Variants in ABCA6 observed in about 807,000 individuals in gnomAD.
ABCA6 encodes the protein ATP-binding cassette sub-family A member 6.
In ABCA6, 164 loss-of-function variants were observed where a neutral mutation model predicts 191.2. The observed-to-expected ratio is 0.86, with a 90% confidence interval of 0.76 to 0.98. The LOEUF (loss-of-function observed/expected upper bound fraction) is 0.98, where lower values mean the gene tolerates loss of function less well. Among genes scored for constraint, ABCA6 ranks in the 50% least tolerant of loss-of-function variants. The pLI, the probability that ABCA6 is intolerant of heterozygous loss-of-function variation, is 0.00. For missense variants in ABCA6, 1,958 were observed against 1,894.1 expected (o/e 1.03, Z -0.63); for synonymous variants, 636 against 647.7 (o/e 0.98, Z 0.27).
chr17:69,079,106 G>A (rs760341442), intron 38 of ABCA6, 32 bp from the exon 39 acceptor site: 3 of 1,578,298 alleles, frequency 1.9e-6, no homozygotes, highest in South Asian at 2.3e-5. Context: ...AGGAAAGAAG[G>A]AAGAGAGATT....
At chr17:69,126,006 T>C (rs545771834) in intron 8 of ABCA6, among the ~76,000 whole-genome samples, 32 of 152,258 alleles carry the variant, frequency 2.1e-4, no homozygotes, top group African/African-American at 7.7e-4. Flanking sequence ...AGCTTTTATT[T>C]TGCCTGCATT....
rs1396073662 is a variant in ABCA6 at position 69,102,980 on chromosome 17, TTAA to T, written c.2741-15_2741-13del. The T allele has an allele frequency of 4.1e-6, 6 of 1,467,660 alleles. No homozygotes were observed. The Admixed American group carries it at 1.2e-4, about 29-fold the overall frequency. 90.9% of individuals were successfully genotyped at this position (1,467,660 alleles called of 1,614,324 possible). ...TTCAATATTTGATTCTAATATGAAGTTAATAAGAGAAGGCCATAGAAAAGTAAG... is the reference window on the plus strand; with the variant it reads ...TTCAATATTTGATTCTAATATGAAGTTAAGAGAAGGCCATAGAAAAGTAAG... On this transcript the variant is annotated splice_polypyrimidine_tract_variant and intron_variant, in intron 20 of 38. Transcript: ENST00000284425.
rs778707189 is a variant in ABCA6 at position 69,123,295 on chromosome 17, G to C, written c.1380C>G (p.Pro460=). 1 of 1,561,764 alleles carries C rather than the reference G, an allele frequency of 6.4e-7. No homozygotes were observed. Among genetic ancestry groups the C allele is most frequent in the Non-Finnish European group, 8.7e-7 (1 of 1,148,050 alleles). Residue 460 remains proline, a synonymous_variant, in exon 10 of 39, where the codon CCC becomes CCG. Transcript: ENST00000284425. ...CTACTGGTTCAAAATAATCATCAGA[G>C]GGATGCTCAGCATCGATTTCTTTCT... is the stretch of plus-strand genomic sequence containing the variant. ...VIEKEIDAEH[P]SDDYFEPVAP... is the part of the protein sequence containing the mutation.
chr17:69,111,506 T>C (rs1598471905), intron 16 of ABCA6: 1 of 152,390 alleles, frequency 6.6e-6, no homozygotes, highest in Non-Finnish European at 1.5e-5. Flanking sequence ...GTTCTCATGA[T>C]AGTGAGTTCT....
chr17:69,123,301 C>T lies in ABCA6; in HGVS notation c.1374G>A (p.Glu458=), dbSNP rs879512356. The T allele has an allele frequency of 3.8e-6, 6 of 1,570,944 alleles. No individual in the cohort carries two copies. The highest frequency in any genetic ancestry group is 5.2e-6 in the Non-Finnish European group (6 of 1,153,286). Residue 458 remains glutamate (E), a synonymous_variant, in exon 10 of 39, where the codon GAG becomes GAA. Transcript: ENST00000284425. ...GTTCAAAATAATCATCAGAGGGATG[C>T]TCAGCATCGATTTCTTTCTCAATAA... ...AKVIEKEIDA[E]HPSDDYFEPV...
intron 5 of ABCA6, 29 bp from the exon 6 acceptor site, chr17:69,133,896 A>ATTTT: frequency 7.1e-7 from 1 of 1,417,678 alleles, no homozygotes; most frequent in Admixed American, 2.2e-5. Flanking sequence ...AAACATAATT[A>ATTTT]TTATTTAAAA....
intron 10 of ABCA6, among the ~76,000 whole-genome samples, chr17:69,122,640 T>C (rs1313977953): frequency 6.6e-6 from 1 of 151,866 alleles, no homozygotes; most frequent in African/African-American, 2.4e-5. Flanking sequence ...CAACTTATCA[T>C]ATAAAACCAG....
chr17:69,105,721 C>T (rs998885881), intron 19 of ABCA6, 93 bp from the exon 20 acceptor site: 21 of 985,350 alleles, frequency 2.1e-5, no homozygotes, highest in African/African-American at 3.2e-5. Flanking sequence ...GCCAAGCCTG[C>T]CTTATGCCAA....
intron 15 of ABCA6, chr17:69,112,906 T>A: frequency 5.4e-6 from 1 of 185,006 alleles, no homozygotes. Context: ...CATGGTATAC[T>A]GTATACTCTG....
At chr17:69,081,660 T>C (rs1019077834) in intron 36 of ABCA6, among the ~76,000 whole-genome samples, 3 of 152,238 alleles carry the variant, frequency 2.0e-5, no homozygotes, top group African/African-American at 7.2e-5. Context: ...GAGGTTGATA[T>C]TGGCGAAAGA....
Position 69,133,732 on chromosome 17 carries a change from G to A in ABCA6, c.700C>T (p.Leu234Phe), listed in dbSNP as rs775876895. Residue 234 changes from leucine (L) to phenylalanine (F), a missense_variant, in exon 6 of 39, where the codon CTT becomes TTT. By Grantham distance (22) the Leu-to-Phe change is conservative (BLOSUM62 0). Coordinates refer to ENST00000284425, the MANE Select transcript of ABCA6 (RefSeq NM_080284.3). ...ILFFLLHFSPLVYFISLNVTK... is the reference protein window; with the variant it reads ...ILFFLLHFSPFVYFISLNVTK... Reference sequence around the variant, plus strand: ...ACATTGAGTGATATAAAATATACAAGTGGGGAGAAATGAAGCAAGAAGAAT... The same window carrying A: ...ACATTGAGTGATATAAAATATACAAATGGGGAGAAATGAAGCAAGAAGAAT... The A allele has an allele frequency of 6.2e-6, 10 of 1,611,534 alleles. No homozygotes were observed. The Admixed American group carries it at 1.2e-4, about 19-fold the overall frequency.
At chr17:69,140,179 C>T (rs569220808) in intron 2 of ABCA6, among the ~76,000 whole-genome samples, 1 of 152,160 alleles carries the variant, frequency 6.6e-6, no homozygotes, top group Non-Finnish European at 1.5e-5. Flanking sequence ...CTGTGATTAG[C>T]CCACCTGCTT....
At chr17:69,080,885 TCA>T (rs1229469374) in intron 37 of ABCA6, among the ~76,000 whole-genome samples, 179 bp downstream of exon 37, 1 of 152,206 alleles carries the variant, frequency 6.6e-6, no homozygotes, top group East Asian at 1.9e-4. Context: ...TAACCTCTTT[TCA>T]CAGAGTCAGA....
Position 69,083,070 on chromosome 17 carries a change from T to G in ABCA6, c.4476-57A>C. On this transcript the variant is annotated intron_variant, in intron 35 of 38. Transcript: ENST00000284425. Reference sequence around the variant, plus strand: ...AATATTGCCCTTAATTTTTTAATGTTATTCTTAAATTTCAAATGTAGAAGA... The same window carrying G: ...AATATTGCCCTTAATTTTTTAATGTGATTCTTAAATTTCAAATGTAGAAGA... The G allele has an allele frequency of 5.6e-6, 9 of 1,597,346 alleles. 1 individual carries two copies. In the Admixed American group the frequency reaches 1.6e-4, roughly 28 times the overall value.
At chr17:69,080,096 A>C (rs1323866155) in intron 37 of ABCA6, among the ~76,000 whole-genome samples, 4 of 152,174 alleles carry the variant, frequency 2.6e-5, no homozygotes, top group Non-Finnish European at 5.9e-5. Context: ...GCAGGAGCTT[A>C]CATGTCTGGC....
intron 4 of ABCA6, chr17:69,135,417 C>A (rs1422295333): frequency 6.6e-6 from 1 of 152,244 alleles, no homozygotes; most frequent in Non-Finnish European, 1.5e-5. Flanking sequence ...TTTTGGAAAC[C>A]GAATTACACT....
At chr17:69,140,337 A>C (rs2074008832) in intron 2 of ABCA6, among the ~76,000 whole-genome samples, 1 of 152,112 alleles carries the variant, frequency 6.6e-6, no homozygotes. Context: ...TCTTGGCTCT[A>C]AGTGTATAAC....
At chr17:69,092,179 C>T (rs185071076) in intron 25 of ABCA6, among the ~76,000 whole-genome samples, 1 of 152,220 alleles carries the variant, frequency 6.6e-6, no homozygotes, top group South Asian at 2.1e-4. Context: ...AATTGATCAG[C>T]CAAGTATGTA....
intron 1 of ABCA6, 81 bp from the exon 2 acceptor site, chr17:69,140,829 A>G: frequency 2.2e-6 from 1 of 457,026 alleles, no homozygotes; most frequent in Non-Finnish European, 3.8e-6. Context: ...AAGTGTAAAC[A>G]TGAATTTAAA....
Sources: gnomAD v4.1 joint callset for allele counts (sites outside exome capture counted in the v4.1 genomes callset) on GRCh38, gnomAD v4.1.1 for gene constraint, MANE v1.5 for transcripts, NCBI Gene and HGNC (gene_info 2026-07-23, HGNC 2026-07-21) for gene names.